Variants in ADGRG4 observed in about 807,000 individuals in gnomAD.
The protein encoded by ADGRG4 is adhesion G protein-coupled receptor G4, also known as G protein-coupled receptor 112.
A neutral mutation model predicts 126.2 loss-of-function variants in ADGRG4; 122 were observed. That is an observed-to-expected ratio of 0.97 (90% CI 0.83 to 1.12). The LOEUF is 1.12. ADGRG4 is among the 50% of genes most tolerant of loss of function. The pLI is 0.00. For missense variants in ADGRG4, 2,481 were observed against 2,251.8 expected (o/e 1.10, Z -2.06); for synonymous variants, 943 against 838.7 (o/e 1.12, Z -2.15).
At chrX:136,379,587 C>T (rs767541408) in intron 15 of ADGRG4, among the ~76,000 whole-genome samples, 1 of 107,711 alleles carries the variant, frequency 9.3e-6, no homozygotes, top group East Asian at 2.9e-4. Flanking sequence ...TCTTCCCTTG[C>T]TGTCCTCTGT....
intron 19 of ADGRG4, 97 bp downstream of exon 19, chrX:136,395,590 T>C: frequency 2.3e-6 from 1 of 437,583 alleles, no homozygotes; most frequent in Non-Finnish European, 3.8e-6. Context: ...GGTATGCATT[T>C]GGAAAAAAAT....
intron 5 of ADGRG4, among the ~76,000 whole-genome samples, chrX:136,340,961 G>T (rs1228665341): frequency 3.6e-5 from 4 of 112,052 alleles, no homozygotes; most frequent in African/African-American, 9.7e-5. Context: ...TTAATGGAAG[G>T]TTTGCTGAAA....
intron 23 of ADGRG4, among the ~76,000 whole-genome samples, chrX:136,411,296 T>C (rs973027593): frequency 8.9e-6 from 1 of 112,789 alleles, no homozygotes; most frequent in African/African-American, 3.2e-5. Flanking sequence ...GTGATCCACC[T>C]GCCTCTGCCT....
rs199876863 is a variant in ADGRG4, at chrX:136,416,665, T to TA, written c.*182dup. 453 of 315,223 alleles carry TA rather than the reference T, an allele frequency of 1.4e-3. 1 individual carries two copies. Among genetic ancestry groups the TA allele is most frequent in the African/African-American group, 8.7e-3 (316 of 36,172 alleles). 26.0% of individuals were successfully genotyped at this position (315,223 alleles called of 1,213,427 possible). A position where few individuals can be genotyped will look rare whatever the true frequency, so the allele number is the denominator to read the frequency against. ...TGTTCCACCAAAACCTATGGAAATT[T>TA]AAAAAAAACAAAAATAAAAAGCAAA... On this transcript the variant is annotated 3_prime_UTR_variant, in exon 26 of 26. Transcript: ENST00000394143.
chrX:136,340,989 T>C (rs1248735590), intron 5 of ADGRG4, among the ~76,000 whole-genome samples: 1 of 112,142 alleles, frequency 8.9e-6, no homozygotes, highest in Non-Finnish European at 1.9e-5. Context: ...ACCCAGGCTT[T>C]AGGTTAAAAC....
chrX:136,396,289 G>A (rs1192506039), intron 19 of ADGRG4, among the ~76,000 whole-genome samples: 1 of 108,074 alleles, frequency 9.3e-6, no homozygotes, highest in African/African-American at 3.4e-5. Flanking sequence ...ATCTGAATGT[G>A]TCATATGTTA....
rs1569337348 is a variant in ADGRG4 at position 136,397,980 on chromosome X, GT to G, written c.8285del (p.Val2762GlyfsTer2). 1 of 1,207,891 alleles carries G rather than the reference GT, an allele frequency of 8.3e-7. No homozygotes were observed. Among genetic ancestry groups the G allele is most frequent in the Non-Finnish European group, 1.1e-6 (1 of 891,873 alleles). ...CTCCTCCATTTTTCTGGGAGTTGCAGTGGTGACATACATAGCTTTTCAGTAA... is the reference window on the plus strand; with the variant it reads ...CTCCTCCATTTTTCTGGGAGTTGCAGGGTGACATACATAGCTTTTCAGTAA... ...GISSIFLGVAVVTYIAFHKLR... is the reference protein window; with the variant it reads ...GISSIFLGVAXVTYIAFHKLR... On this transcript the variant is annotated frameshift_variant, in exon 20 of 26. Transcript: ENST00000394143. LOFTEE classifies it high-confidence loss of function.
chrX:136,368,571 C>G (rs1052546153), intron 13 of ADGRG4, among the ~76,000 whole-genome samples: 1 of 111,968 alleles, frequency 8.9e-6, no homozygotes, highest in Non-Finnish European at 1.9e-5. Flanking sequence ...ATTTAAAAAC[C>G]AGCTCTACCC....
chrX:136,348,773 C>T lies in ADGRG4; in HGVS notation c.5067C>T (p.Ser1689=). Residue 1689 remains serine (S), a synonymous_variant, in exon 6 of 26, where the codon TCC becomes TCT. Transcript: ENST00000394143. The part of the protein sequence containing the change: ...PLSSKSTGAI[S]SIPKTTFSPF... ...GTTCTAAGAGCACTGGAGCTATTTC[C>T]TCCATTCCAAAGACCACATTTTCAC... The T allele has an allele frequency of 2.5e-6, 3 of 1,209,261 alleles. No homozygotes were observed. The highest frequency in any genetic ancestry group is 3.4e-6 in the Non-Finnish European group (3 of 894,436).
intron 20 of ADGRG4, among the ~76,000 whole-genome samples, chrX:136,398,216 A>G: frequency 8.9e-6 from 1 of 112,212 alleles, no homozygotes; most frequent in Non-Finnish European, 1.9e-5. Context: ...ATAGGAAAAG[A>G]TTTCTCTATA....
intron 4 of ADGRG4, among the ~76,000 whole-genome samples, chrX:136,319,550 A>G (rs2074825744): frequency 8.9e-6 from 1 of 111,777 alleles, no homozygotes; most frequent in Admixed American, 9.5e-5. Flanking sequence ...GAGCTTTCAC[A>G]GGCATCTGTT....
intron 16 of ADGRG4, among the ~76,000 whole-genome samples, chrX:136,389,513 G>C (rs1008432197): frequency 2.7e-5 from 3 of 111,944 alleles, no homozygotes; most frequent in African/African-American, 9.7e-5. Context: ...AAACATCATA[G>C]TACCAGATGA....
intron 22 of ADGRG4, 150 bp from the exon 23 acceptor site, chrX:136,405,542 C>T (rs1398868836): frequency 2.8e-6 from 1 of 362,319 alleles, no homozygotes; most frequent in African/African-American, 2.7e-5. Flanking sequence ...CCAGCTCTGC[C>T]TCCAGTTGGT....
chrX:136,301,266 A>C (rs996753649), intron 1 of ADGRG4, among the ~76,000 whole-genome samples: 5 of 111,859 alleles, frequency 4.5e-5, no homozygotes, highest in African/African-American at 1.6e-4. Context: ...CTGACTTTTT[A>C]ATGATCGCCA....
chrX:136,349,259 G>C lies in ADGRG4; in HGVS notation c.5553G>C (p.Lys1851Asn). Residue 1851 changes from lysine to asparagine, a missense_variant, in exon 6 of 26, where the codon AAG (lysine) becomes AAC (asparagine). Transcript: ENST00000394143. ...CTGAAGCTGAGATCTCTACTCCAAA[G>C]ACCTCTCCTCCTCCCACATCCCAAA... ...HSTEAEISTP[K>N]TSPPPTSQMV... The C allele has an allele frequency of 8.3e-7, 1 of 1,201,207 alleles. No homozygotes were observed. Among genetic ancestry groups the C allele is most frequent in the East Asian group, 3.0e-5 (1 of 33,738 alleles).
chrX:136,387,588 GT>G, intron 15 of ADGRG4, 151 bp from the exon 16 acceptor site: 1 of 472,261 alleles, frequency 2.1e-6, no homozygotes. Flanking sequence ...GTGTGTGTGT[GT>G]GTGTGAAAAG....
chrX:136,308,071 G>A (rs1023053586), intron 3 of ADGRG4, among the ~76,000 whole-genome samples: 1 of 112,927 alleles, frequency 8.9e-6, no homozygotes, highest in African/African-American at 3.2e-5. Flanking sequence ...ATTGAAGTTT[G>A]TGCATTAGGG....
At position 136,353,044 on chromosome X, in the gene ADGRG4, G is replaced by A. The variant is rs144069820; in HGVS notation, c.6823-293G>A. Among the ~76,000 whole-genome samples the A allele has an allele frequency of 1.1e-3, 126 of 111,573 alleles. 1 individual carries two copies. The highest frequency in any genetic ancestry group is 3.5e-3 in the African/African-American group (109 of 30,732). On this transcript the variant is annotated intron_variant, in intron 7 of 25. Coordinates refer to ENST00000394143, the MANE Select transcript of ADGRG4 (RefSeq NM_153834.4). ...TTCTTCTTATAAGGACACTGGTCCT[G>A]TTGGAGTAGGGCTCCACTTTTATGA...
intron 4 of ADGRG4, among the ~76,000 whole-genome samples, chrX:136,322,373 C>T (rs1010718969): frequency 1.7e-4 from 19 of 111,234 alleles, no homozygotes; most frequent in African/African-American, 4.6e-4. Flanking sequence ...GTTAGGTGGG[C>T]GGAAATAGTT....
Sources: gnomAD v4.1 joint callset for allele counts (sites outside exome capture counted in the v4.1 genomes callset) on GRCh38, gnomAD v4.1.1 for gene constraint, MANE v1.5 for transcripts, NCBI Gene and HGNC (gene_info 2026-07-23, HGNC 2026-07-21) for gene names.